Variants in LHFPL6 observed in about 807,000 individuals in gnomAD.
The protein encoded by LHFPL6 is LHFPL tetraspan subfamily member 6.
In LHFPL6, 9 loss-of-function variants were observed where a neutral mutation model predicts 20.6. The observed-to-expected ratio is 0.44, with a 90% CI of 0.26 to 0.76. The LOEUF (loss-of-function observed/expected upper bound fraction) is 0.76. Ranked by LOEUF, LHFPL6 falls within the 30% of genes least tolerant of loss-of-function variation. The pLI, the probability that LHFPL6 is intolerant of heterozygous loss-of-function variation, is 0.20. For synonymous variants in LHFPL6, 105 were observed against 98.7 expected (o/e 1.06, Z -0.38); for missense variants, 218 against 253.5 (o/e 0.86, Z 0.95).
At chr13:39,346,949 C>A (rs1203704850) in intron 3 of LHFPL6, among the ~76,000 whole-genome samples, 1 of 152,020 alleles carries the variant, frequency 6.6e-6, no homozygotes, top group Non-Finnish European at 1.5e-5. Context: ...ACACAGACAT[C>A]AAGCACACAG....
At chr13:39,584,148 T>C (rs568663410) in intron 2 of LHFPL6, among the ~76,000 whole-genome samples, 1 of 152,278 alleles carries the variant, frequency 6.6e-6, no homozygotes, top group Non-Finnish European at 1.5e-5. Flanking sequence ...TTTAGATTAT[T>C]AGTAGGCAAG....
intron 2 of LHFPL6, among the ~76,000 whole-genome samples, chr13:39,480,376 G>A (rs1471148505): frequency 6.6e-6 from 1 of 152,170 alleles, no homozygotes; most frequent in Non-Finnish European, 1.5e-5. Context: ...ATACAAATAT[G>A]TATAGTTCAT....
At position 39,394,190 on chromosome 13, in the gene LHFPL6, G is replaced by A. The variant is rs73453092; in HGVS notation, c.386-15664C>T. On this transcript the variant is annotated intron_variant, in intron 2 of 3. Coordinates refer to ENST00000379589, the MANE Select transcript of LHFPL6 (RefSeq NM_005780.3). ...CCTGGCCTCAAGCAATCCTCCTGCCGGAGCCTCCTAAATTGTTGGGATTAC... is the reference window on the plus strand; with the variant it reads ...CCTGGCCTCAAGCAATCCTCCTGCCAGAGCCTCCTAAATTGTTGGGATTAC... Among the ~76,000 whole-genome samples the A allele has an allele frequency of 6.8e-3, 1,027 of 152,126 alleles. 16 individuals carry two copies. Among genetic ancestry groups the A allele is most frequent in the African/African-American group, 0.024 (982 of 41,474 alleles).
intron 2 of LHFPL6, among the ~76,000 whole-genome samples, chr13:39,556,430 G>C (rs1411232963): frequency 3.5e-4 from 54 of 152,190 alleles, no homozygotes; most frequent in Non-Finnish European, 1.5e-5. Context: ...TGGAAATAAG[G>C]AAGTTATTGG....
At chr13:39,398,708 G>A (rs967072267) in intron 2 of LHFPL6, among the ~76,000 whole-genome samples, 1 of 152,204 alleles carries the variant, frequency 6.6e-6, no homozygotes, top group Non-Finnish European at 1.5e-5. Context: ...GAACAGGGCC[G>A]CAGAGCAGGT....
intron 2 of LHFPL6, among the ~76,000 whole-genome samples, chr13:39,464,217 A>T (rs9576809): frequency 6.6e-6 from 1 of 151,980 alleles, no homozygotes; most frequent in Non-Finnish European, 1.5e-5. Flanking sequence ...CAGCATAGAA[A>T]CTCCATGAGG....
intron 2 of LHFPL6, among the ~76,000 whole-genome samples, chr13:39,495,814 C>T (rs938393081): frequency 1.1e-4 from 14 of 127,732 alleles, no homozygotes; most frequent in Admixed American, 7.8e-4. Flanking sequence ...TAGTAATTCA[C>T]CAGATTATCC....
intron 2 of LHFPL6, among the ~76,000 whole-genome samples, chr13:39,567,938 G>T (rs1161773616): frequency 6.6e-6 from 1 of 152,174 alleles, no homozygotes; most frequent in Non-Finnish European, 1.5e-5. Context: ...ATACCATCTG[G>T]CCCTTTACAG....
intron 2 of LHFPL6, among the ~76,000 whole-genome samples, chr13:39,510,397 T>C (rs1177192644): frequency 1.3e-5 from 2 of 152,260 alleles, no homozygotes; most frequent in Non-Finnish European, 2.9e-5. Flanking sequence ...GAGGTGGCGA[T>C]GTCTGTAGTA....
chr13:39,556,912 T>G (rs1320688625), intron 2 of LHFPL6, among the ~76,000 whole-genome samples: 2 of 152,014 alleles, frequency 1.3e-5, no homozygotes, highest in Admixed American at 1.3e-4. Context: ...CAGTGAGCCA[T>G]GATCACACCA....
intron 2 of LHFPL6, among the ~76,000 whole-genome samples, chr13:39,508,160 G>C (rs1566127742): frequency 6.6e-6 from 1 of 151,906 alleles, no homozygotes; most frequent in Non-Finnish European, 1.5e-5. Context: ...GAGTAGCTGG[G>C]ATTACAGGTG....
chr13:39,543,688 C>T lies in LHFPL6; in HGVS notation c.385+57144G>A, dbSNP rs1870883285. 2.0e-5 allele frequency among the ~76,000 whole-genome samples: 3 copies of T among 152,018 alleles called. No individual in the cohort carries two copies. In the South Asian group the frequency reaches 6.2e-4, roughly 32 times the overall value. On this transcript the variant is annotated intron_variant, in intron 2 of 3. Transcript: ENST00000379589. ...CAAGAAATTATAAGTACAAATAGTG[C>T]TGGATTGGGAGTCAAGAGATGTGAA...
chr13:39,592,467 G>A (rs970595811), intron 2 of LHFPL6, among the ~76,000 whole-genome samples: 1 of 152,186 alleles, frequency 6.6e-6, no homozygotes, highest in African/African-American at 2.4e-5. Flanking sequence ...CTCTGAAATT[G>A]AGGCAATAAT....
intron 2 of LHFPL6, among the ~76,000 whole-genome samples, chr13:39,557,918 G>C (rs9576857): frequency 0.087 from 13,302 of 152,080 alleles, 675 homozygotes; most frequent in East Asian, 0.23. Context: ...CTCCCCCTTT[G>C]CTCTCTCATT....
intron 2 of LHFPL6, among the ~76,000 whole-genome samples, chr13:39,478,413 A>G (rs750909621): frequency 6.6e-6 from 1 of 152,188 alleles, no homozygotes; most frequent in East Asian, 1.9e-4. Context: ...GCACACAAAC[A>G]TTCCTATATA....
chr13:39,599,195 C>T (rs1164307350), intron 2 of LHFPL6, among the ~76,000 whole-genome samples: 1 of 151,990 alleles, frequency 6.6e-6, no homozygotes, highest in Non-Finnish European at 1.5e-5. Context: ...GCAGGCCCTG[C>T]CCTAAAATGA....
chr13:39,557,676 C>T (rs1318412667), intron 2 of LHFPL6, among the ~76,000 whole-genome samples: 1 of 152,230 alleles, frequency 6.6e-6, no homozygotes, highest in East Asian at 1.9e-4. Flanking sequence ...GGATATCTGA[C>T]CCCTGCATAT....
chr13:39,483,745 G>A lies in LHFPL6; in HGVS notation c.386-105219C>T, dbSNP rs900890768. 5.9e-5 allele frequency among the ~76,000 whole-genome samples: 9 copies of A among 152,258 alleles called. No homozygotes were observed. The South Asian group carries it at 1.7e-3, about 28-fold the overall frequency. ...GGGCCATGAATGTAAATAGCTTATT[G>A]ACTGAGCAACAGGAAGAGGCTAAAA... On this transcript the variant is annotated intron_variant, in intron 2 of 3. Transcript: ENST00000379589.
At chr13:39,530,112 G>A (rs1347607803) in intron 2 of LHFPL6, among the ~76,000 whole-genome samples, 1 of 151,860 alleles carries the variant, frequency 6.6e-6, no homozygotes, top group Non-Finnish European at 1.5e-5. Context: ...GTGGGAAAAG[G>A]AATACTAAAG....
Sources: allele counts gnomAD v4.1 joint callset (sites outside exome capture counted in the v4.1 genomes callset), GRCh38; gene constraint gnomAD v4.1.1; transcripts MANE v1.5; gene names NCBI Gene and HGNC (gene_info 2026-07-23, HGNC 2026-07-21).